Variants in UTP18 observed in about 807,000 individuals in gnomAD.
UTP18 encodes the protein U3 small nucleolar RNA-associated protein 18 homolog.
A neutral mutation model predicts 61.1 loss-of-function variants in UTP18; 36 were observed. The observed-to-expected ratio is 0.59, with a 90% CI of 0.45 to 0.78. The LOEUF (loss-of-function observed/expected upper bound fraction) is 0.78. Ranked by LOEUF, UTP18 falls within the 30% of genes least tolerant of loss-of-function variation. The pLI, the probability that UTP18 is intolerant of heterozygous loss-of-function variation, is 0.00. For missense variants in UTP18, 753 were observed against 693.9 expected, an observed-to-expected ratio of 1.09 and a Z score of -0.96; for synonymous variants, 282 against 251.1, an observed-to-expected ratio of 1.12 and a Z score of -1.16.
chr17:51,290,746 TA>T (rs1367410320), intron 11 of UTP18, among the ~76,000 whole-genome samples: 1 of 152,202 alleles, frequency 6.6e-6, no homozygotes, highest in Non-Finnish European at 1.5e-5. Context: ...CAAAATCACA[TA>T]AGGAATTCAT....
intron 1 of UTP18, among the ~76,000 whole-genome samples, chr17:51,262,231 G>A (rs1354671890): frequency 6.6e-6 from 1 of 151,808 alleles, no homozygotes; most frequent in Admixed American, 6.6e-5. Context: ...ACAGGCGTGC[G>A]CCACCACGCC....
intron 1 of UTP18, 75 bp downstream of exon 1, chr17:51,261,001 G>A: frequency 7.8e-7 from 1 of 1,286,568 alleles, no homozygotes; most frequent in Non-Finnish European, 9.9e-7. Flanking sequence ...TCCGGGGGGC[G>A]GAGCCTGGGC....
intron 5 of UTP18, among the ~76,000 whole-genome samples, chr17:51,275,395 TA>T (rs1190602138): frequency 2.0e-5 from 3 of 152,166 alleles, no homozygotes; most frequent in African/African-American, 7.2e-5. Flanking sequence ...CCTAAGAGAA[TA>T]AAGCAACCTG....
intron 4 of UTP18, among the ~76,000 whole-genome samples, chr17:51,271,352 T>G (rs1028130652): frequency 1.3e-5 from 2 of 152,074 alleles, no homozygotes; most frequent in African/African-American, 4.8e-5. Context: ...TATCGCCCAG[T>G]CTGGAGTGCA....
rs760945069 is a variant in UTP18, at chr17:51,260,887, C to G, written c.303C>G (p.Asn101Lys). 9 of 1,599,104 alleles carry G rather than the reference C, an allele frequency of 5.6e-6. No individual in the cohort carries two copies. In the Admixed American group the frequency reaches 1.5e-4, roughly 27 times the overall value. ...AGCTGGTCTTCGGCGACGTCGAGAA[C>G]GACGAGGACGCGTTGCTGCGGCGTC... ...LEELVFGDVE[N>K]DEDALLRRLR... Residue 101 changes from asparagine (N) to lysine (K), a missense_variant, in exon 1 of 14, where the codon AAC becomes AAG. Transcript: ENST00000225298.
intron 11 of UTP18, among the ~76,000 whole-genome samples, chr17:51,289,552 T>G (rs894013910): frequency 2.0e-5 from 3 of 152,078 alleles, no homozygotes; most frequent in Admixed American, 2.0e-4. Flanking sequence ...TAAACTCTTT[T>G]CTGCCCAACA....
At chr17:51,289,094 A>G (rs967129028) in intron 11 of UTP18, among the ~76,000 whole-genome samples, 3 of 152,162 alleles carry the variant, frequency 2.0e-5, no homozygotes, top group Admixed American at 2.0e-4. Context: ...TGAGCTACCC[A>G]TATCATTTAG....
intron 5 of UTP18, among the ~76,000 whole-genome samples, chr17:51,274,480 T>G (rs990033475): frequency 9.2e-5 from 14 of 152,200 alleles, no homozygotes; most frequent in Admixed American, 8.5e-4. Flanking sequence ...TTTGCTCTTT[T>G]GCTCAGGCTG....
chr17:51,281,723 G>A (rs1019554267), intron 9 of UTP18, among the ~76,000 whole-genome samples: 2 of 152,116 alleles, frequency 1.3e-5, no homozygotes, highest in African/African-American at 4.8e-5. Context: ...GTTAACATTG[G>A]GGGGGAACTG....
chr17:51,270,872 C>T (rs1178171589), intron 4 of UTP18, among the ~76,000 whole-genome samples: 2 of 152,118 alleles, frequency 1.3e-5, no homozygotes, highest in African/African-American at 2.4e-5. Flanking sequence ...ATGGGATATG[C>T]TTGTCTAACA....
intron 9 of UTP18, among the ~76,000 whole-genome samples, chr17:51,281,581 A>G (rs1410777389): frequency 6.6e-6 from 1 of 152,118 alleles, no homozygotes; most frequent in African/African-American, 2.4e-5. Context: ...GGAGGATTTG[A>G]GGGCAGGAGA....
At chr17:51,276,140 CA>C (rs1904713847) in intron 6 of UTP18, 149 bp downstream of exon 6, 7 of 752,066 alleles carry the variant, frequency 9.3e-6, no homozygotes, top group Non-Finnish European at 1.0e-5. Context: ...ACAGAAGTGA[CA>C]GAGTTCATTT....
chr17:51,273,418 A>T lies in UTP18; in HGVS notation c.679A>T (p.Thr227Ser), dbSNP rs759193974. The T allele has an allele frequency of 1.9e-6, 3 of 1,611,128 alleles. No homozygotes were observed. Among genetic ancestry groups the T allele is most frequent in the Non-Finnish European group, 2.5e-6 (3 of 1,178,778 alleles). Reference sequence around the variant, plus strand: ...GCAAAGGACTGGGAATTTCATATCCACATCAACTTCTCTTCCAAGAGGAAT... The same window carrying T: ...GCAAAGGACTGGGAATTTCATATCCTCATCAACTTCTCTTCCAAGAGGAAT... The part of the protein sequence containing the change: ...LLQRTGNFIS[T>S]STSLPRGILK... Residue 227 changes from threonine (T) to serine (S), a missense_variant, in exon 5 of 14, where the codon ACA becomes TCA. Coordinates refer to ENST00000225298, the MANE Select transcript of UTP18 (RefSeq NM_016001.3).
At chr17:51,288,764 A>G (rs534095922) in intron 11 of UTP18, among the ~76,000 whole-genome samples, 4 of 152,326 alleles carry the variant, frequency 2.6e-5, no homozygotes, top group African/African-American at 9.6e-5. Flanking sequence ...CATGGCTAAA[A>G]TGTATTGCAG....
At chr17:51,274,731 G>A (rs554156483) in intron 5 of UTP18, among the ~76,000 whole-genome samples, 12 of 152,002 alleles carry the variant, frequency 7.9e-5, no homozygotes, top group African/African-American at 2.9e-4. Flanking sequence ...GATTACAGGC[G>A]TGAGCCACCG....
At chr17:51,271,707 G>A (rs115113339) in intron 4 of UTP18, among the ~76,000 whole-genome samples, 3 of 152,102 alleles carry the variant, frequency 2.0e-5, no homozygotes, top group East Asian at 1.9e-4. Flanking sequence ...TTGCTCTGTC[G>A]TGTAGGCTGG....
rs572119124 is a variant in UTP18 at position 51,280,373 on chromosome 17, ATATT to A, written c.1114-11_1114-8del. 265 of 1,609,614 alleles carry A rather than the reference ATATT, an allele frequency of 1.6e-4. 1 individual carries two copies. The African/African-American group carries it at 3.0e-3, about 18-fold the overall frequency. ...ATACTTTCTAACAGTTTGATAAATAATATTTATTGTTTTAGACCAAAGAACTGAT... is the reference window on the plus strand; with the variant it reads ...ATACTTTCTAACAGTTTGATAAATAATATTGTTTTAGACCAAAGAACTGAT... On this transcript the variant is annotated splice_polypyrimidine_tract_variant and intron_variant, in intron 8 of 13. Transcript: ENST00000225298.
intron 12 of UTP18, among the ~76,000 whole-genome samples, chr17:51,295,343 T>G (rs1373390090): frequency 4.6e-5 from 7 of 152,196 alleles, no homozygotes; most frequent in Admixed American, 3.9e-4. Flanking sequence ...GTCTAACATG[T>G]AAGTCTTTAA....
chr17:51,294,897 A>T (rs1035520506), intron 12 of UTP18, among the ~76,000 whole-genome samples: 2 of 152,108 alleles, frequency 1.3e-5, no homozygotes, highest in African/African-American at 4.8e-5. Flanking sequence ...TCGCCATTCT[A>T]ACTGGTGTGT....
Sources: gnomAD v4.1 joint callset for allele counts (sites outside exome capture counted in the v4.1 genomes callset) on GRCh38, gnomAD v4.1.1 for gene constraint, MANE v1.5 for transcripts, NCBI Gene and HGNC (gene_info 2026-07-23, HGNC 2026-07-21) for gene names.